The following CENPP variants were observed in gnomAD, a reference collection of about 807,000 sequenced individuals.
CENPP encodes the protein centromere protein P.
Under a neutral mutation model 35.6 loss-of-function variants are expected in CENPP, and 24 were observed. The observed-to-expected ratio is 0.67, with a 90% CI of 0.49 to 0.95. The LOEUF (loss-of-function observed/expected upper bound fraction) is 0.95. CENPP is among the 40% of genes least tolerant of loss of function. The probability of loss-of-function intolerance (pLI) is 0.00; values close to 1 mark genes in which losing one functional copy is unlikely to be tolerated. For missense variants in CENPP, 332 were observed against 345.3 expected (o/e 0.96, Z 0.31); for synonymous variants, 120 against 125.5 (o/e 0.96, Z 0.29).
At chr9:92,493,962 G>T in intron 5 of CENPP, 1 of 815,934 alleles carries the variant, frequency 1.2e-6, no homozygotes, top group Non-Finnish European at 1.9e-6. Flanking sequence ...AGGCCGTTGA[G>T]GGTGGCCGTA....
chr9:92,337,683 A>G (rs1840972545), intron 3 of CENPP, 54 bp downstream of exon 3: 14 of 1,099,400 alleles, frequency 1.3e-5, no homozygotes, highest in African/African-American at 3.1e-5. Context: ...TGAGATAAAC[A>G]ATTCCCACAC....
chr9:92,584,856 C>G (rs1402381098), intron 5 of CENPP, among the ~76,000 whole-genome samples: 1 of 152,072 alleles, frequency 6.6e-6, no homozygotes, highest in Non-Finnish European at 1.5e-5. Context: ...TTTTGTTTAG[C>G]TTTTTCATTT....
chr9:92,490,641 AT>A (rs1435242854), intron 5 of CENPP, among the ~76,000 whole-genome samples: 38 of 152,342 alleles, frequency 2.5e-4, no homozygotes, highest in African/African-American at 9.1e-4. Flanking sequence ...TTAAGTCAGC[AT>A]CTTAGGAACA....
chr9:92,391,290 C>G (rs1842671682), intron 5 of CENPP, among the ~76,000 whole-genome samples: 1 of 151,746 alleles, frequency 6.6e-6, no homozygotes, highest in African/African-American at 2.4e-5. Flanking sequence ...ACTTGTAGTC[C>G]CAGCTACTCG....
chr9:92,370,096 G>A (rs1439750896), intron 4 of CENPP, among the ~76,000 whole-genome samples: 1 of 152,058 alleles, frequency 6.6e-6, no homozygotes, highest in Non-Finnish European at 1.5e-5. Flanking sequence ...CCTATATCTT[G>A]TAGATATGAT....
chr9:92,404,708 C>T, intron 5 of CENPP: 1 of 1,186,314 alleles, frequency 8.4e-7, no homozygotes, highest in Non-Finnish European at 1.1e-6. Flanking sequence ...GTGTGTTGTA[C>T]TAGAGAACTG....
chr9:92,425,595 T>A (rs1843944151), intron 5 of CENPP, among the ~76,000 whole-genome samples: 1 of 152,256 alleles, frequency 6.6e-6, no homozygotes, highest in Non-Finnish European at 1.5e-5. Flanking sequence ...ATCCTGGAGT[T>A]CATTTTGTTT....
At chr9:92,513,793 G>A (rs1352222045) in intron 5 of CENPP, among the ~76,000 whole-genome samples, 1 of 152,180 alleles carries the variant, frequency 6.6e-6, no homozygotes, top group African/African-American at 2.4e-5. Flanking sequence ...GGGGAAACAA[G>A]GAATTTTGGG....
intron 4 of CENPP, among the ~76,000 whole-genome samples, chr9:92,349,691 C>A (rs1234119259): frequency 6.6e-6 from 1 of 152,056 alleles, no homozygotes; most frequent in East Asian, 1.9e-4. Flanking sequence ...CGTGAGCCAC[C>A]ACGCCTGGCC....
intron 5 of CENPP, among the ~76,000 whole-genome samples, chr9:92,582,210 T>C (rs1850442796): frequency 6.6e-6 from 1 of 152,046 alleles, no homozygotes; most frequent in Non-Finnish European, 1.5e-5. Context: ...CATGCCACCA[T>C]GCCCGGCTAA....
intron 5 of CENPP, among the ~76,000 whole-genome samples, chr9:92,388,688 C>T (rs946609441): frequency 1.3e-5 from 2 of 151,494 alleles, no homozygotes; most frequent in Non-Finnish European, 2.9e-5. Context: ...AGAAATTAGC[C>T]GGGCGTGGTG....
At chr9:92,352,538 T>TAA (rs1554753113) in intron 4 of CENPP, among the ~76,000 whole-genome samples, 6 of 114,434 alleles carry the variant, frequency 5.2e-5, no homozygotes, top group Admixed American at 8.9e-5. Flanking sequence ...TATATATATA[T>TAA]AATATAACGG....
intron 5 of CENPP, chr9:92,393,373 G>A (rs753164969): frequency 3.0e-6 from 2 of 673,032 alleles, no homozygotes; most frequent in Admixed American, 3.3e-5. Flanking sequence ...TCATAAGAAA[G>A]ATAGTCATGG....
At chr9:92,452,351 GAT>G (rs1176572117) in intron 5 of CENPP, among the ~76,000 whole-genome samples, 4 of 152,150 alleles carry the variant, frequency 2.6e-5, no homozygotes, top group Non-Finnish European at 5.9e-5. Context: ...CATCTATTGA[GAT>G]AATCATGTGG....
intron 5 of CENPP, among the ~76,000 whole-genome samples, chr9:92,526,877 T>A (rs1442987030): frequency 6.6e-6 from 1 of 152,220 alleles, no homozygotes; most frequent in Non-Finnish European, 1.5e-5. Context: ...ACTCACTCAC[T>A]GACTCACCGG....
intron 5 of CENPP, among the ~76,000 whole-genome samples, chr9:92,500,302 C>A (rs1846592412): frequency 6.6e-6 from 1 of 152,192 alleles, no homozygotes; most frequent in Admixed American, 6.5e-5. Context: ...CCCACCTCAG[C>A]CTCCTGAGTA....
At chr9:92,504,195 A>G (rs533120435) in intron 5 of CENPP, among the ~76,000 whole-genome samples, 18 of 151,742 alleles carry the variant, frequency 1.2e-4, no homozygotes, top group Non-Finnish European at 2.7e-4. Flanking sequence ...CTGACTTAGC[A>G]TATCTGGGGT....
chr9:92,445,479 A>G (rs1221793983), intron 5 of CENPP, among the ~76,000 whole-genome samples: 1 of 152,128 alleles, frequency 6.6e-6, no homozygotes, highest in Non-Finnish European at 1.5e-5. Flanking sequence ...GAGCCTGACA[A>G]GAGTGTTTTA....
At chr9:92,333,545 G>A (rs531618188) in intron 2 of CENPP, among the ~76,000 whole-genome samples, 12 of 152,316 alleles carry the variant, frequency 7.9e-5, no homozygotes, top group African/African-American at 2.6e-4. Flanking sequence ...TGAGTAATAT[G>A]TGCTCATTTT....
Sources: allele counts gnomAD v4.1 joint callset (sites outside exome capture counted in the v4.1 genomes callset), GRCh38; gene constraint gnomAD v4.1.1; transcripts MANE v1.5; gene names NCBI Gene and HGNC (gene_info 2026-07-23, HGNC 2026-07-21).